Variants in KCNN1 observed in about 807,000 individuals in gnomAD.
The protein encoded by KCNN1 is small conductance calcium-activated potassium channel protein 1.
Under a neutral mutation model 44.7 loss-of-function variants are expected in KCNN1, and 20 were observed. The ratio of observed to expected loss-of-function variants is 0.45; its 90% CI spans 0.32 to 0.65. KCNN1 has a LOEUF of 0.65. Among genes scored for constraint, KCNN1 ranks in the 30% least tolerant of loss-of-function variants. KCNN1 has a pLI of 0.05. For missense variants in KCNN1, 632 were observed against 785.3 expected (o/e 0.80, Z 2.33); for synonymous variants, 324 against 341.7 (o/e 0.95, Z 0.57).
intron 5 of KCNN1, among the ~76,000 whole-genome samples, chr19:17,987,202 C>A (rs937163142): frequency 6.6e-6 from 1 of 152,044 alleles, no homozygotes; most frequent in African/African-American, 2.4e-5. Flanking sequence ...CTTCCCCTCC[C>A]AGGTTCAAGC....
chr19:17,980,935 C>T (rs986406206), intron 3 of KCNN1, among the ~76,000 whole-genome samples: 1 of 151,670 alleles, frequency 6.6e-6, no homozygotes, highest in Non-Finnish European at 1.5e-5. Context: ...GAAAAATCCT[C>T]GCCAGGCACA....
In KCNN1 at chr19:17,973,843, G is replaced by A; in HGVS notation, c.-46G>A. 6.5e-7 allele frequency: 1 copy of A among 1,538,992 alleles called. No individual in the cohort carries two copies. Among genetic ancestry groups the A allele is most frequent in the Non-Finnish European group, 8.7e-7 (1 of 1,145,318 alleles). ...GAGCCCAGCCGCTGAGCCATGCCGG[G>A]CCCCGGGCGGCCTGCAGCGAGCCCA... is the stretch of plus-strand genomic sequence containing the variant. On this transcript the variant is annotated 5_prime_UTR_variant, in exon 2 of 10. Coordinates refer to ENST00000684775, the MANE Select transcript of KCNN1 (RefSeq NM_001386974.1).
At chr19:17,968,191 A>T (rs2031884905) in intron 1 of KCNN1, among the ~76,000 whole-genome samples, 1 of 152,038 alleles carries the variant, frequency 6.6e-6, no homozygotes, top group African/African-American at 2.4e-5. Flanking sequence ...CAACAGGCCC[A>T]CATGTCCCAG....
upstream of KCNN1, among the ~76,000 whole-genome samples, chr19:17,966,866 A>G (rs1274281126): frequency 7.9e-6 from 1 of 126,548 alleles, no homozygotes; most frequent in Admixed American, 8.3e-5. Context: ...TATAGTTAGG[A>G]GGTCCGGAGG....
At chr19:17,968,072 GGGGAGGGGAA>G (rs1377796763) in intron 1 of KCNN1, among the ~76,000 whole-genome samples, 44 of 147,356 alleles carry the variant, frequency 3.0e-4, no homozygotes, top group African/African-American at 9.9e-4. Flanking sequence ...TATTGGGGGA[GGGGAGGGGAA>G]GGGAGGGGTG....
chr19:17,962,365 G>T (rs74519475), upstream of KCNN1, among the ~76,000 whole-genome samples: 74 of 152,310 alleles, frequency 4.9e-4, no homozygotes, highest in African/African-American at 1.6e-3. Flanking sequence ...ATCAGGCCCA[G>T]TCCCTCCCCT....
chr19:17,972,390 C>T (rs2032053593), intron 1 of KCNN1, among the ~76,000 whole-genome samples: 3 of 152,204 alleles, frequency 2.0e-5, no homozygotes, highest in African/African-American at 7.2e-5. Context: ...CAGGACATTG[C>T]TCTGTAATCA....
chr19:17,989,960 G>A, intron 7 of KCNN1, 117 bp downstream of exon 7: 1 of 1,456,942 alleles, frequency 6.9e-7, no homozygotes, highest in Non-Finnish European at 9.6e-7. Context: ...TCAGTTGGTT[G>A]GGGCCTGCAT....
chr19:17,976,618 A>G (rs887187987), intron 3 of KCNN1, among the ~76,000 whole-genome samples: 1 of 151,742 alleles, frequency 6.6e-6, no homozygotes, highest in Non-Finnish European at 1.5e-5. Context: ...GGGTTTCTCC[A>G]TGTTGGTCAG....
At chr19:17,984,282 C>A (rs1400127641) in intron 4 of KCNN1, among the ~76,000 whole-genome samples, 1 of 152,108 alleles carries the variant, frequency 6.6e-6, no homozygotes, top group Non-Finnish European at 1.5e-5. Flanking sequence ...CCCCAAATGC[C>A]AATATTTGGG....
chr19:17,985,265 G>T, intron 4 of KCNN1, 47 bp from the exon 5 acceptor site: 4 of 1,511,292 alleles, frequency 2.6e-6, no homozygotes, highest in Non-Finnish European at 3.6e-6. Flanking sequence ...GAGGCAAAGG[G>T]GATGGTATAG....
intron 5 of KCNN1, among the ~76,000 whole-genome samples, chr19:17,986,289 G>T (rs562004928): frequency 6.6e-6 from 1 of 151,932 alleles, no homozygotes; most frequent in African/African-American, 2.4e-5. Context: ...CTTGAACCCA[G>T]GAGGCAGAGG....
intron 6 of KCNN1, 115 bp from the exon 7 acceptor site, chr19:17,989,601 G>A (rs1345934074): frequency 6.1e-6 from 9 of 1,464,050 alleles, no homozygotes; most frequent in Non-Finnish European, 8.5e-6. Context: ...ATAGCCCAGG[G>A]ACCCTGAGAG....
chr19:17,991,554 G>A (rs768549548), intron 7 of KCNN1, among the ~76,000 whole-genome samples: 2 of 151,876 alleles, frequency 1.3e-5, no homozygotes, highest in Admixed American at 6.6e-5. Context: ...CCAACATGGC[G>A]AAACCTTGTC....
chr19:17,991,461 A>G (rs867823000), intron 7 of KCNN1, among the ~76,000 whole-genome samples: 1 of 151,838 alleles, frequency 6.6e-6, no homozygotes, highest in Non-Finnish European at 1.5e-5. Flanking sequence ...AAAAAACTAT[A>G]TATGGCTGGG....
intron 1 of KCNN1, among the ~76,000 whole-genome samples, chr19:17,951,875 G>A (rs1380965307): frequency 1.3e-5 from 2 of 152,218 alleles, no homozygotes; most frequent in Non-Finnish European, 2.9e-5. Context: ...AGTGAGGGGA[G>A]CAGCCCTGTT....
chr19:17,962,200 G>A (rs2031697977), upstream of KCNN1, among the ~76,000 whole-genome samples: 1 of 152,168 alleles, frequency 6.6e-6, no homozygotes, highest in African/African-American at 2.4e-5. Context: ...GCCGCTGGTG[G>A]GCATGACAGG....
intron 2 of KCNN1, among the ~76,000 whole-genome samples, chr19:17,961,221 A>G (rs1386826888): frequency 2.7e-5 from 4 of 148,480 alleles, no homozygotes; most frequent in African/African-American, 7.4e-5. Flanking sequence ...GAAACCAGTT[A>G]TTAGATCAGA....
chr19:17,969,476 G>A (rs184650163), intron 1 of KCNN1, among the ~76,000 whole-genome samples: 5 of 152,204 alleles, frequency 3.3e-5, no homozygotes, highest in African/African-American at 9.6e-5. Flanking sequence ...CAGTAATGTG[G>A]TGGGTGCCGG....
Sources: allele counts gnomAD v4.1 joint callset (sites outside exome capture counted in the v4.1 genomes callset), GRCh38; gene constraint gnomAD v4.1.1; transcripts MANE v1.5; gene names NCBI Gene and HGNC (gene_info 2026-07-23, HGNC 2026-07-21).